ATP1A3: variants seen among roughly 807,000 people sequenced by gnomAD.
The protein encoded by ATP1A3 is ATPase Na+/K+ transporting subunit alpha 3.
In ATP1A3, 12 loss-of-function variants were observed where a neutral mutation model predicts 108.8. The ratio of observed to expected loss-of-function variants is 0.11; its 90% confidence interval spans 0.07 to 0.18. The LOEUF (loss-of-function observed/expected upper bound fraction) is 0.18, where lower values mean the gene tolerates loss of function less well. ATP1A3 is among the 10% of genes least tolerant of loss of function. The pLI, the probability that ATP1A3 is intolerant of heterozygous loss-of-function variation, is 1.00. For missense variants in ATP1A3, 498 were observed against 1,387.7 expected, an observed-to-expected ratio of 0.36 and a Z score of 10.19; for synonymous variants, 539 against 564.5, an observed-to-expected ratio of 0.95 and a Z score of 0.64.
intron 16 of ATP1A3, among the ~76,000 whole-genome samples, chr19:41,971,420 G>A (rs781783817): frequency 1.3e-5 from 2 of 152,106 alleles, no homozygotes; most frequent in Non-Finnish European, 2.9e-5. Context: ...AAGAGAGGAG[G>A]ACTGTTTATG....
rs781964278 is a variant in ATP1A3, at chr19:41,981,468, G to A, written c.1437+34C>T. On this transcript the variant is annotated intron_variant, in intron 11 of 22. Coordinates refer to ENST00000648268, the MANE Select transcript of ATP1A3 (RefSeq NM_152296.5). This position sits in a 1 kb window ranked among gnomAD's most constrained non-coding sequence, Gnocchi z 5.0. Reference sequence around the variant, plus strand: ...TTACAGGCGTCATAAGGAACCTGAGGTCCAGGCTGGCTCTCCCGGAAAGCC... The same window carrying A: ...TTACAGGCGTCATAAGGAACCTGAGATCCAGGCTGGCTCTCCCGGAAAGCC... The A allele has an allele frequency of 2.5e-6, 4 of 1,614,136 alleles. No homozygotes were observed. Among genetic ancestry groups the A allele is most frequent in the Non-Finnish European group, 2.5e-6 (3 of 1,180,014 alleles).
At position 41,988,686 on chromosome 19, in the gene ATP1A3, G is replaced by C. The variant is rs2075309105; in HGVS notation, c.7-124C>G. On this transcript the variant is annotated intron_variant, in intron 1 of 22. Coordinates refer to ENST00000648268, the MANE Select transcript of ATP1A3 (RefSeq NM_152296.5). This position sits in a 1 kb window ranked among gnomAD's most constrained non-coding sequence, Gnocchi z 5.3. Reference sequence around the variant, plus strand: ...GGCCGGTGCCCCTGCATCTCTGGGTGGGGGGTCTCTGTCTGCCTCTCGGGG... The same window carrying C: ...GGCCGGTGCCCCTGCATCTCTGGGTCGGGGGTCTCTGTCTGCCTCTCGGGG... 2.3e-5 allele frequency: 36 copies of C among 1,578,206 alleles called. No individual in the cohort carries two copies. The highest frequency in any genetic ancestry group is 3.1e-5 in the Non-Finnish European group (36 of 1,164,336).
intron 8 of ATP1A3, among the ~76,000 whole-genome samples, chr19:41,983,084 T>A (rs2075250870): frequency 6.7e-6 from 1 of 149,532 alleles, no homozygotes; most frequent in South Asian, 2.1e-4. Context: ...ACAGTAAACT[T>A]TTTTTTTTTT....
chr19:41,971,753 C>T (rs577624467), intron 16 of ATP1A3, among the ~76,000 whole-genome samples: 1 of 152,150 alleles, frequency 6.6e-6, no homozygotes, highest in Non-Finnish European at 1.5e-5. Context: ...TGGAAGAGAG[C>T]AGACAAAACC....
At chr19:41,969,638 C>T in intron 18 of ATP1A3, 58 bp from the exon 19 acceptor site, 1 of 1,607,614 alleles carries the variant, frequency 6.2e-7, no homozygotes, top group Non-Finnish European at 8.5e-7. Context: ...GCAGCCAACC[C>T]AGGGCACCTC....
chr19:41,966,964 A>G lies in ATP1A3; in HGVS notation c.3015T>C (p.Gly1005=), dbSNP rs1599702177. The change falls in exon 23 of 23, where the codon GGT becomes GGC. Residue 1005 remains glycine (G), a splice_region_variant and synonymous_variant. Coordinates refer to ENST00000648268, the MANE Select transcript of ATP1A3 (RefSeq NM_152296.5). ...AGTAGTAGGTTTCCTTCTCCACCCA[A>G]CCTGGAGAGACAAAGAAGGAAAGAA... The part of the protein sequence containing the change: ...RKLILRRNPG[G]WVEKETYY 1 of 1,551,482 alleles carries G rather than the reference A, an allele frequency of 6.4e-7. No homozygotes were observed.
rs1423033677 is a variant in ATP1A3, at chr19:41,981,001, T to G, written c.1437+501A>C. Among the ~76,000 whole-genome samples, 2 of 138,460 alleles carry G rather than the reference T, an allele frequency of 1.4e-5. No individual in the cohort carries two copies. The highest frequency in any genetic ancestry group is 1.6e-5 in the Non-Finnish European group (1 of 63,322). The allele number at this position is 138,460 out of a possible 152,430, so 90.8% of individuals were successfully genotyped here. A position where few individuals can be genotyped will look rare whatever the true frequency, so the allele number is the denominator to read the frequency against. ...TTCCCACTCTCTGCTGTAGGAAAAC[T>G]TTTTTTTTTTTTTTGAGTCAGGGTC... On this transcript the variant is annotated intron_variant, in intron 11 of 22. Transcript: ENST00000648268. The surrounding 1 kb of genome is among the most constrained non-coding windows in gnomAD (Gnocchi z 5.0).
Position 41,977,014 on chromosome 19 carries a change from G to A in ATP1A3, c.1944-448C>T, listed in dbSNP as rs1435364101. ...GTGCAGATGGGGTTTTGCCATGTTG[G>A]CCAGGCTGCTCTCGAACTCCTGACC... On this transcript the variant is annotated intron_variant, in intron 14 of 22. Transcript: ENST00000648268. Among the ~76,000 whole-genome samples, 6 of 151,586 alleles carry A rather than the reference G, an allele frequency of 4.0e-5. No homozygotes were observed. The South Asian group carries it at 6.3e-4, about 16-fold the overall frequency.
intron 8 of ATP1A3, among the ~76,000 whole-genome samples, chr19:41,982,756 G>A (rs1211718860): frequency 6.6e-6 from 1 of 152,210 alleles, no homozygotes; most frequent in African/African-American, 2.4e-5. Context: ...CACCTGCATG[G>A]GTGAACGTCA....
rs2075065671 is a variant in ATP1A3 at position 41,968,176 on chromosome 19, C to G, written c.2820-413G>C. 6.6e-6 allele frequency among the ~76,000 whole-genome samples: 1 copy of G among 152,078 alleles called. No individual in the cohort carries two copies. Among genetic ancestry groups the G allele is most frequent in the African/African-American group, 2.4e-5 (1 of 41,410 alleles). ...ACACACACAGAGGCTGAGAGAGAAT[C>G]TAGGACACACAGGACCCCTTGAGAG... is the stretch of plus-strand genomic sequence containing the variant. On this transcript the variant is annotated intron_variant, in intron 20 of 22. Coordinates refer to ENST00000648268, the MANE Select transcript of ATP1A3 (RefSeq NM_152296.5). This position sits in a 1 kb window ranked among gnomAD's most constrained non-coding sequence, Gnocchi z 5.0.
chr19:41,977,194 G>A (rs2145962852), intron 14 of ATP1A3, among the ~76,000 whole-genome samples: 1 of 152,074 alleles, frequency 6.6e-6, no homozygotes, highest in East Asian at 1.9e-4. Context: ...TGGGAAAGTT[G>A]AAGAAGTCAG....
At chr19:41,993,336 G>A in intron 1 of ATP1A3, 4 of 1,497,090 alleles carry the variant, frequency 2.7e-6, no homozygotes, top group South Asian at 1.2e-5. Flanking sequence ...AGGCATGCAC[G>A]CTCCCCACTA....
rs2145983246 is a variant in ATP1A3, at chr19:41,988,066, G to A, written c.227C>T (p.Thr76Ile). 6.2e-7 allele frequency: 1 copy of A among 1,614,178 alleles called. No homozygotes were observed. The highest frequency in any genetic ancestry group is 8.5e-7 in the Non-Finnish European group (1 of 1,180,026). The change falls in exon 4 of 23, where the codon ACC becomes ATC. Residue 76 changes from threonine (T) to isoleucine (I), a missense_variant. Transcript: ENST00000648268. The surrounding 1 kb of genome is among the most constrained non-coding windows in gnomAD (Gnocchi z 5.3). ...CCGGCAAAACTTGACCCACTCTGGG[G>A]TGGTAGGCGGTGGCGTGAGTGCGTT... ...GPNALTPPPTTPEWVKFCRQL... is the reference protein window; with the variant it reads ...GPNALTPPPTIPEWVKFCRQL...
At position 41,985,172 on chromosome 19, in the gene ATP1A3, C is replaced by T. The variant is rs782227665; in HGVS notation, c.739G>A (p.Val247Met). 27 of 1,613,160 alleles carry T rather than the reference C, an allele frequency of 1.7e-5. No homozygotes were observed. The highest frequency in any genetic ancestry group is 1.6e-4 in the Middle Eastern group (1 of 6,080). ...TNCVEGTARG[V>M]VVATGDRTVM... ...GTGCGGTCGCCCGTGGCCACCACCA[C>T]GCCCCGAGCCGTGCCTGCAGGCCAG... Residue 247 changes from valine to methionine, a missense_variant, in exon 8 of 23, where the codon GTG becomes ATG. Physicochemically the swap from Val to Met is conservative, Grantham distance 21 (BLOSUM62 1). Around this residue, in one of 9 missense-constraint regions of ATP1A3, gnomAD observed 127 missense variants for 464.0 expected, o/e 0.27. Coordinates refer to ENST00000648268, the MANE Select transcript of ATP1A3 (RefSeq NM_152296.5). This position sits in a 1 kb window ranked among gnomAD's most constrained non-coding sequence, Gnocchi z 8.2.
Position 41,985,733 on chromosome 19 carries a change from G to C in ATP1A3, c.606+131C>G, listed in dbSNP as rs2075280679. On this transcript the variant is annotated intron_variant, in intron 6 of 22. Transcript: ENST00000648268. This position sits in a 1 kb window ranked among gnomAD's most constrained non-coding sequence, Gnocchi z 8.2. ...CTGGGTCTGAGGGAGGAGGGCCTGG[G>C]GGCCTGGACTCCTGGGTCTGAGGGA... is the stretch of plus-strand genomic sequence containing the variant. 1 of 1,384,780 alleles carries C rather than the reference G, an allele frequency of 7.2e-7. No homozygotes were observed. The highest frequency in any genetic ancestry group is 9.7e-7 in the Non-Finnish European group (1 of 1,026,298). The allele number at this position is 1,384,780 out of a possible 1,614,324, so 85.8% of individuals were successfully genotyped here.
In ATP1A3 at chr19:41,978,359, C is replaced by A. The variant is rs782587392; in HGVS notation, c.1631-33G>T. 1.3e-6 allele frequency: 2 copies of A among 1,571,674 alleles called. No homozygotes were observed. Among genetic ancestry groups the A allele is most frequent in the Non-Finnish European group, 1.7e-6 (2 of 1,158,440 alleles). ...CAGGGAAGGGTTGGGGTGTGAGGGT[C>A]CCAGCCTCGGAACCTCCGCCCCATG... On this transcript the variant is annotated intron_variant, in intron 12 of 22. Coordinates refer to ENST00000648268, the MANE Select transcript of ATP1A3 (RefSeq NM_152296.5). This position sits in a 1 kb window ranked among gnomAD's most constrained non-coding sequence, Gnocchi z 8.3.
rs781854249 is a variant in ATP1A3 at position 41,976,475 on chromosome 19, C to T, written c.2035G>A (p.Val679Ile). ...DEILQNHTEIVFARTSPQQKL... is the reference protein window; with the variant it reads ...DEILQNHTEIIFARTSPQQKL... Reference sequence around the variant, plus strand: ...TGCTGGGGGGATGTGCGGGCGAAGACGATCTCGGTGTGATTCTGCAGGATC... The same window carrying T: ...TGCTGGGGGGATGTGCGGGCGAAGATGATCTCGGTGTGATTCTGCAGGATC... The change falls in exon 15 of 23, where the codon GTC becomes ATC. Residue 679 changes from valine to isoleucine, a missense_variant. By Grantham distance (29) the Val-to-Ile change is conservative (BLOSUM62 3). Around this residue, in one of 9 missense-constraint regions of ATP1A3, gnomAD observed 121 missense variants for 425.1 expected, o/e 0.28. Transcript: ENST00000648268. 2 of 1,614,178 alleles carry T rather than the reference C, an allele frequency of 1.2e-6. No homozygotes were observed. Among genetic ancestry groups the T allele is most frequent in the East Asian group, 2.2e-5 (1 of 44,882 alleles).
chr19:41,991,878 G>GC (rs201778994), intron 1 of ATP1A3, among the ~76,000 whole-genome samples: 8 of 141,384 alleles, frequency 5.7e-5, no homozygotes, highest in African/African-American at 7.9e-5. Context: ...AGGGGCTGGG[G>GC]CTGGACCCTT....
chr19:41,967,367 G>C lies in ATP1A3; in HGVS notation c.2922-27C>G. On this transcript the variant is annotated intron_variant, in intron 21 of 22. Transcript: ENST00000648268. The surrounding 1 kb of genome is among the most constrained non-coding windows in gnomAD (Gnocchi z 4.2). ...TGCAGAGGGGAGAGCAGGAGGGCTTGAGTGCGGGGCCCTAACGAGAGGCAG... is the reference window on the plus strand; with the variant it reads ...TGCAGAGGGGAGAGCAGGAGGGCTTCAGTGCGGGGCCCTAACGAGAGGCAG... 6.3e-7 allele frequency: 1 copy of C among 1,599,098 alleles called. No homozygotes were observed. The highest frequency in any genetic ancestry group is 8.5e-7 in the Non-Finnish European group (1 of 1,177,148).
Sources: gnomAD v4.1 joint callset for allele counts (sites outside exome capture counted in the v4.1 genomes callset) on GRCh38, gnomAD v4.1.1 for gene constraint, gnomAD v4.1.1 regional missense constraint, Gnocchi (gnomAD v3.1) non-coding constraint, MANE v1.5 for transcripts, NCBI Gene and HGNC (gene_info 2026-07-23, HGNC 2026-07-21) for gene names.